PLPPR1: variants seen among roughly 807,000 people sequenced by gnomAD.
PLPPR1 encodes the protein phospholipid phosphatase related 1.
A neutral mutation model predicts 33.1 loss-of-function variants in PLPPR1; 10 were observed. That is an observed-to-expected ratio of 0.30 (90% CI 0.19 to 0.51). The LOEUF (loss-of-function observed/expected upper bound fraction) is 0.51, where lower values mean the gene tolerates loss of function less well. Ranked by LOEUF, PLPPR1 falls within the 20% of genes least tolerant of loss-of-function variation. The pLI, the probability that PLPPR1 is intolerant of heterozygous loss-of-function variation, is 0.97. For missense variants in PLPPR1, 304 were observed against 408.1 expected, an observed-to-expected ratio of 0.74 and a Z score of 2.20; for synonymous variants, 151 against 151.0, an observed-to-expected ratio of 1.00 and a Z score of 0.00.
intron 1 of PLPPR1, among the ~76,000 whole-genome samples, chr9:101,141,600 A>C (rs907561562): frequency 6.6e-6 from 1 of 152,328 alleles, no homozygotes; most frequent in Non-Finnish European, 1.5e-5. Flanking sequence ...TATATGGATG[A>C]GTATTTAAAA....
chr9:101,227,195 A>G (rs1181903242), intron 2 of PLPPR1, among the ~76,000 whole-genome samples: 1 of 152,184 alleles, frequency 6.6e-6, no homozygotes, highest in African/African-American at 2.4e-5. Context: ...AATAATCACG[A>G]CTGGGAATAC....
Position 101,179,901 on chromosome 9 carries a change from A to C in PLPPR1, c.-45-5549A>C, listed in dbSNP as rs547153480. ...CAGAGAATATAAAGCAGGCAGAAAA[A>C]CTTGAAAAGGTTAGACTGGCCTAGC... is the stretch of plus-strand genomic sequence containing the variant. On this transcript the variant is annotated intron_variant, in intron 1 of 7. Coordinates refer to ENST00000374874, the MANE Select transcript of PLPPR1 (RefSeq NM_207299.2). 2.2e-3 allele frequency among the ~76,000 whole-genome samples: 328 copies of C among 151,626 alleles called. 3 individuals are homozygous for C. Among genetic ancestry groups the C allele is most frequent in the African/African-American group, 7.5e-3 (308 of 41,322 alleles).
intron 3 of PLPPR1, among the ~76,000 whole-genome samples, chr9:101,277,681 C>A (rs1828222543): frequency 6.6e-6 from 1 of 152,014 alleles, no homozygotes; most frequent in South Asian, 2.1e-4. Context: ...AAACTGACAC[C>A]CAAAGAGGTC....
chr9:101,083,130 C>G (rs1803417762), intron 1 of PLPPR1, among the ~76,000 whole-genome samples: 1 of 152,136 alleles, frequency 6.6e-6, no homozygotes, highest in South Asian at 2.1e-4. Context: ...CTTTATGGAA[C>G]AGGAACGTAC....
chr9:101,096,200 T>C (rs1830815307), intron 1 of PLPPR1, among the ~76,000 whole-genome samples: 1 of 152,138 alleles, frequency 6.6e-6, no homozygotes, highest in African/African-American at 2.4e-5. Context: ...CACATTCTTC[T>C]TAAAAAGCAG....
intron 1 of PLPPR1, among the ~76,000 whole-genome samples, chr9:101,168,776 C>T (rs777565719): frequency 6.6e-6 from 1 of 152,114 alleles, no homozygotes. Context: ...ACATGAGGAA[C>T]ACTAAAGGCT....
intron 1 of PLPPR1, among the ~76,000 whole-genome samples, chr9:101,093,148 G>T (rs1830769217): frequency 6.6e-6 from 1 of 152,158 alleles, no homozygotes; most frequent in African/African-American, 2.4e-5. Flanking sequence ...CACCAGCTTT[G>T]AGTCATTTTC....
chr9:101,151,386 C>A (rs757104967), intron 1 of PLPPR1, among the ~76,000 whole-genome samples: 14 of 152,062 alleles, frequency 9.2e-5, no homozygotes, highest in Non-Finnish European at 1.9e-4. Flanking sequence ...TACCCAAAGG[C>A]CTTTTTATTT....
chr9:101,062,148 TG>T (rs1387016196), intron 1 of PLPPR1, among the ~76,000 whole-genome samples: 4 of 117,538 alleles, frequency 3.4e-5, no homozygotes, highest in Non-Finnish European at 7.0e-5. Flanking sequence ...TGACAAAATG[TG>T]GTGTGTGTGT....
chr9:101,050,242 T>C (rs1830204244), intron 1 of PLPPR1, among the ~76,000 whole-genome samples: 1 of 152,098 alleles, frequency 6.6e-6, no homozygotes, highest in Admixed American at 6.6e-5. Flanking sequence ...AGATCTGTGA[T>C]TCTGTGAGTT....
intron 4 of PLPPR1, among the ~76,000 whole-genome samples, chr9:101,293,806 G>A (rs1828565255): frequency 6.6e-6 from 1 of 152,244 alleles, no homozygotes. Flanking sequence ...TCAAAGTAGT[G>A]TGTAGAGGGA....
At chr9:101,090,312 CAT>C (rs1407706516) in intron 1 of PLPPR1, among the ~76,000 whole-genome samples, 1 of 152,114 alleles carries the variant, frequency 6.6e-6, no homozygotes, top group East Asian at 1.9e-4. Context: ...TAATTCAACA[CAT>C]ATCACCAAGT....
chr9:101,238,583 G>A (rs1827382315), intron 2 of PLPPR1, among the ~76,000 whole-genome samples: 1 of 151,440 alleles, frequency 6.6e-6, no homozygotes, highest in South Asian at 2.1e-4. Flanking sequence ...TAATCAATGG[G>A]TACACATGGA....
intron 3 of PLPPR1, among the ~76,000 whole-genome samples, chr9:101,278,064 T>C (rs1420164377): frequency 6.6e-6 from 1 of 152,206 alleles, no homozygotes; most frequent in Non-Finnish European, 1.5e-5. Flanking sequence ...TATCACCCAG[T>C]ACTAGAGCCA....
At chr9:101,242,087 C>T (rs996314616) in intron 2 of PLPPR1, among the ~76,000 whole-genome samples, 1 of 152,114 alleles carries the variant, frequency 6.6e-6, no homozygotes, top group Non-Finnish European at 1.5e-5. Flanking sequence ...TTGAAGCTGC[C>T]TGTTAGCTAG....
intron 1 of PLPPR1, among the ~76,000 whole-genome samples, chr9:101,180,094 T>TTA (rs71507977): frequency 7.9e-4 from 49 of 61,968 alleles, no homozygotes; most frequent in South Asian, 2.4e-3. Context: ...AAACTCTCCT[T>TTA]TATATATATA....
intron 1 of PLPPR1, among the ~76,000 whole-genome samples, chr9:101,054,941 C>T (rs1402288523): frequency 6.6e-6 from 1 of 152,128 alleles, no homozygotes; most frequent in African/African-American, 2.4e-5. Context: ...CGGTCTGTGG[C>T]AGGAGGGGAG....
intron 1 of PLPPR1, among the ~76,000 whole-genome samples, chr9:101,098,542 A>G (rs1273320762): frequency 6.6e-6 from 1 of 152,054 alleles, no homozygotes; most frequent in Non-Finnish European, 1.5e-5. Context: ...ATGAGTGGGG[A>G]ACAAAGAGGC....
At chr9:101,075,821 G>C (rs1278339752) in intron 1 of PLPPR1, among the ~76,000 whole-genome samples, 1 of 152,032 alleles carries the variant, frequency 6.6e-6, no homozygotes, top group East Asian at 1.9e-4. Context: ...CAGTGGTGTA[G>C]ATGGAGAGTG....
Sources: allele counts gnomAD v4.1 joint callset (sites outside exome capture counted in the v4.1 genomes callset), GRCh38; gene constraint gnomAD v4.1.1; transcripts MANE v1.5; gene names NCBI Gene and HGNC (gene_info 2026-07-23, HGNC 2026-07-21).